The following LRRTM4 variants were observed in gnomAD, a reference collection of about 807,000 sequenced individuals.
LRRTM4 encodes leucine rich repeat transmembrane neuronal 4.
A neutral mutation model predicts 47.6 loss-of-function variants in LRRTM4; 25 were observed. That is an observed-to-expected ratio of 0.53 (90% CI 0.38 to 0.73). LRRTM4 has a LOEUF of 0.73. Ranked by LOEUF, LRRTM4 falls within the 30% of genes least tolerant of loss-of-function variation. The probability of loss-of-function intolerance (pLI) is 0.00; values close to 1 mark genes in which losing one functional copy is unlikely to be tolerated. For synonymous variants in LRRTM4, 311 were observed against 269.5 expected (o/e 1.15, Z -1.51); for missense variants, 638 against 713.4 (o/e 0.89, Z 1.20).
chr2:77,013,702 A>G lies in LRRTM4; in HGVS notation c.1552-264786T>C, dbSNP rs1012631081. On this transcript the variant is annotated intron_variant, in intron 3 of 3. Transcript: ENST00000409884. The stretch of plus-strand genomic sequence containing the variant: ...AGAAAACAGCGATAACAATCTCCCC[A>G]GTAAATTTACACAATCTCTTGGACA... Among the ~76,000 whole-genome samples, 7 of 152,314 alleles carry G rather than the reference A, an allele frequency of 4.6e-5. No individual in the cohort carries two copies. The East Asian group carries it at 1.4e-3, about 29-fold the overall frequency.
At chr2:77,047,842 T>A (rs1573497421) in intron 3 of LRRTM4, among the ~76,000 whole-genome samples, 1 of 151,974 alleles carries the variant, frequency 6.6e-6, no homozygotes, top group East Asian at 1.9e-4. Flanking sequence ...ACTATTAGGG[T>A]TTATGAACTT....
At chr2:77,192,424 T>A (rs898408643) in intron 3 of LRRTM4, among the ~76,000 whole-genome samples, 3 of 151,012 alleles carry the variant, frequency 2.0e-5, no homozygotes, top group African/African-American at 7.3e-5. Context: ...CTTCCTAATT[T>A]AAAAAAAAAT....
intron 3 of LRRTM4, among the ~76,000 whole-genome samples, chr2:77,237,384 T>C (rs1315199467): frequency 1.3e-5 from 2 of 152,028 alleles, no homozygotes. Flanking sequence ...TTTTGTGGGA[T>C]TGGTTTTAAT....
chr2:77,306,318 C>A (rs72809150), intron 3 of LRRTM4, among the ~76,000 whole-genome samples: 2,525 of 152,216 alleles, frequency 0.017, 31 homozygotes, highest in Non-Finnish European at 0.027. Context: ...AACAACACAA[C>A]CTCACAGGTT....
intron 3 of LRRTM4, among the ~76,000 whole-genome samples, chr2:76,823,840 A>G (rs1236308745): frequency 2.6e-5 from 4 of 151,554 alleles, no homozygotes; most frequent in African/African-American, 9.7e-5. Context: ...ATATTGTTAA[A>G]TTTAGATAAA....
chr2:77,054,510 A>G (rs1338698548), intron 3 of LRRTM4, among the ~76,000 whole-genome samples: 1 of 152,202 alleles, frequency 6.6e-6, no homozygotes, highest in Non-Finnish European at 1.5e-5. Flanking sequence ...TATTTAATTA[A>G]ATAAGTAACG....
At chr2:76,950,998 T>C (rs528792659) in intron 3 of LRRTM4, among the ~76,000 whole-genome samples, 1 of 152,204 alleles carries the variant, frequency 6.6e-6, no homozygotes, top group South Asian at 2.1e-4. Flanking sequence ...GATTTAAGAA[T>C]AGATCTGCAT....
intron 3 of LRRTM4, among the ~76,000 whole-genome samples, chr2:77,407,720 A>ATATATTATATAAT (rs1401983335): frequency 2.6e-5 from 3 of 115,632 alleles, no homozygotes; most frequent in African/African-American, 1.3e-4. Context: ...ATCATATATT[A>ATATATTATATAAT]TATTATATAT....
chr2:77,309,417 C>A (rs1369895481), intron 3 of LRRTM4, among the ~76,000 whole-genome samples: 1 of 152,072 alleles, frequency 6.6e-6, no homozygotes, highest in Non-Finnish European at 1.5e-5. Context: ...GCAGATATGG[C>A]CATAATAAAA....
At chr2:77,164,286 T>C (rs918259924) in intron 3 of LRRTM4, among the ~76,000 whole-genome samples, 19 of 152,124 alleles carry the variant, frequency 1.2e-4, no homozygotes, top group African/African-American at 4.6e-4. Context: ...ATGTACCCAA[T>C]ACAGGAGCAC....
chr2:77,429,507 A>T (rs1675271391), intron 3 of LRRTM4, among the ~76,000 whole-genome samples: 1 of 152,200 alleles, frequency 6.6e-6, no homozygotes, highest in Admixed American at 6.5e-5. Flanking sequence ...ACAATGAAAT[A>T]CTACTCAGCC....
At chr2:77,196,906 C>T (rs932049588) in intron 3 of LRRTM4, among the ~76,000 whole-genome samples, 1 of 152,056 alleles carries the variant, frequency 6.6e-6, no homozygotes, top group Non-Finnish European at 1.5e-5. Flanking sequence ...ATAGCTCTAG[C>T]ACCATGTTAT....
chr2:77,482,896 G>T (rs1167279092), intron 3 of LRRTM4, among the ~76,000 whole-genome samples: 1 of 151,996 alleles, frequency 6.6e-6, no homozygotes, highest in East Asian at 2.0e-4. Context: ...GCTGAGGCAG[G>T]CAGATCACAA....
intron 3 of LRRTM4, among the ~76,000 whole-genome samples, chr2:77,152,606 G>T (rs1044272814): frequency 6.6e-6 from 1 of 152,108 alleles, no homozygotes. Context: ...GGGATTACAG[G>T]TGTGAGCTAC....
intron 3 of LRRTM4, among the ~76,000 whole-genome samples, chr2:77,039,351 A>G (rs1573485832): frequency 2.0e-5 from 3 of 150,844 alleles, no homozygotes; most frequent in Non-Finnish European, 3.0e-5. Context: ...AATGAAGGCA[A>G]ATCAGATGAT....
At chr2:77,057,068 C>T (rs1679632516) in intron 3 of LRRTM4, among the ~76,000 whole-genome samples, 1 of 152,186 alleles carries the variant, frequency 6.6e-6, no homozygotes, top group African/African-American at 2.4e-5. Context: ...TGACAGAGTA[C>T]TGTATGGTCT....
At chr2:77,395,222 C>T (rs972594766) in intron 3 of LRRTM4, among the ~76,000 whole-genome samples, 3 of 151,910 alleles carry the variant, frequency 2.0e-5, no homozygotes, top group African/African-American at 7.2e-5. Context: ...TATCTGACCT[C>T]TCATCCTGTC....
intron 3 of LRRTM4, among the ~76,000 whole-genome samples, chr2:76,946,530 T>C (rs1675329125): frequency 1.3e-5 from 2 of 151,850 alleles, no homozygotes; most frequent in Admixed American, 1.3e-4. Context: ...CTTTTGGTGT[T>C]TAAAGACAAC....
chr2:77,375,585 C>T (rs2103779775), intron 3 of LRRTM4, among the ~76,000 whole-genome samples: 1 of 151,816 alleles, frequency 6.6e-6, no homozygotes, highest in Non-Finnish European at 1.5e-5. Context: ...TGAATAACAA[C>T]TTTTCATTTC....
Sources: allele counts gnomAD v4.1 joint callset (sites outside exome capture counted in the v4.1 genomes callset), GRCh38; gene constraint gnomAD v4.1.1; transcripts MANE v1.5; gene names NCBI Gene and HGNC (gene_info 2026-07-23, HGNC 2026-07-21).